SIPA1L3: variants seen among roughly 807,000 people sequenced by gnomAD.
SIPA1L3 encodes the protein signal induced proliferation associated 1 like 3.
Under a neutral mutation model 150.1 loss-of-function variants are expected in SIPA1L3, and 59 were observed. That is an observed-to-expected ratio of 0.39 (90% CI 0.32 to 0.49). The LOEUF (loss-of-function observed/expected upper bound fraction) is 0.49. Ranked by LOEUF, SIPA1L3 falls within the 20% of genes least tolerant of loss-of-function variation. The pLI, the probability that SIPA1L3 is intolerant of heterozygous loss-of-function variation, is 0.86. For missense variants in SIPA1L3, 2,211 were observed against 2,489.5 expected (o/e 0.89, Z 2.38); for synonymous variants, 1,070 against 1,077.6 (o/e 0.99, Z 0.14).
intron 1 of SIPA1L3, among the ~76,000 whole-genome samples, chr19:37,981,070 G>C (rs563019382): frequency 6.6e-6 from 1 of 152,324 alleles, no homozygotes; most frequent in East Asian, 1.9e-4. Flanking sequence ...CTCAAGATGT[G>C]ATAGAGATGG....
At chr19:37,929,193 T>TGGGGCTGGGGCTGGAGCC (rs1479512180) in intron 1 of SIPA1L3, among the ~76,000 whole-genome samples, 3 of 152,090 alleles carry the variant, frequency 2.0e-5, no homozygotes, top group Non-Finnish European at 2.9e-5. Flanking sequence ...GGGCTGGGGC[T>TGGGGCTGGGGCTGGAGCC]GGGGCTGGGG....
At position 38,164,448 on chromosome 19, in the gene SIPA1L3, C is replaced by A; in HGVS notation, c.3781-31C>A. 6.4e-7 allele frequency: 1 copy of A among 1,571,078 alleles called. No individual in the cohort carries two copies. On this transcript the variant is annotated intron_variant, in intron 14 of 21. Coordinates refer to ENST00000222345, the MANE Select transcript of SIPA1L3 (RefSeq NM_015073.3). The surrounding 1 kb of genome is among the most constrained non-coding windows in gnomAD (Gnocchi z 4.1). ...GGAAGATGCGCCCCTGCCCTGGAGT[C>A]TGGGAATGACACGCTTCTCTTGCCT...
intron 9 of SIPA1L3, among the ~76,000 whole-genome samples, chr19:38,127,674 T>G (rs1971207832): frequency 6.6e-6 from 1 of 151,900 alleles, no homozygotes; most frequent in African/African-American, 2.4e-5. Context: ...TTTTATTTTA[T>G]TTTTAGTAGA....
intron 2 of SIPA1L3, among the ~76,000 whole-genome samples, chr19:38,032,934 A>G (rs1366596620): frequency 6.6e-6 from 1 of 152,332 alleles, no homozygotes; most frequent in Non-Finnish European, 1.5e-5. Flanking sequence ...ATAGTGATGA[A>G]TAAAGCAGGG....
At chr19:38,158,517 C>G (rs564175856) in intron 13 of SIPA1L3, among the ~76,000 whole-genome samples, 1 of 152,170 alleles carries the variant, frequency 6.6e-6, no homozygotes, top group South Asian at 2.1e-4. Flanking sequence ...GGACAGGAGC[C>G]GCAGGTCTCA....
chr19:38,078,358 A>C (rs1969894340), intron 2 of SIPA1L3, among the ~76,000 whole-genome samples: 2 of 151,934 alleles, frequency 1.3e-5, no homozygotes, highest in Admixed American at 1.3e-4. Context: ...ATCTGCTTTG[A>C]GCTTCCCTTG....
intron 1 of SIPA1L3, among the ~76,000 whole-genome samples, chr19:37,950,771 C>T (rs1019555189): frequency 6.6e-5 from 10 of 152,358 alleles, no homozygotes; most frequent in Admixed American, 1.3e-4. Flanking sequence ...CCCCGGCATG[C>T]GGCACTTTTC....
intron 21 of SIPA1L3, among the ~76,000 whole-genome samples, chr19:38,204,461 C>CA (rs1427060375): frequency 1.3e-5 from 2 of 152,108 alleles, no homozygotes; most frequent in South Asian, 4.1e-4. Context: ...TAACATTTAT[C>CA]AAAAAAACAC....
intron 9 of SIPA1L3, 71 bp from the exon 10 acceptor site, chr19:38,130,427 C>G (rs1971277883): frequency 2.0e-6 from 3 of 1,509,380 alleles, no homozygotes; most frequent in Admixed American, 1.9e-5. Flanking sequence ...AAGCGGGGAA[C>G]GTGACCAGGG....
intron 1 of SIPA1L3, among the ~76,000 whole-genome samples, chr19:38,015,357 C>T (rs1968207586): frequency 6.6e-6 from 1 of 152,166 alleles, no homozygotes; most frequent in Non-Finnish European, 1.5e-5. Flanking sequence ...CTGTGGGTTA[C>T]CGTATCTTTC....
chr19:38,125,649 T>C (rs1289382514), intron 9 of SIPA1L3, among the ~76,000 whole-genome samples: 1 of 152,182 alleles, frequency 6.6e-6, no homozygotes, highest in South Asian at 2.1e-4. Flanking sequence ...GAATGACTTG[T>C]GACAGTGAGT....
chr19:38,102,749 T>A (rs993847672), intron 6 of SIPA1L3, among the ~76,000 whole-genome samples: 3 of 144,134 alleles, frequency 2.1e-5, no homozygotes, highest in Non-Finnish European at 4.6e-5. Flanking sequence ...GGTGGATTGC[T>A]TGAGCCTGGG....
At chr19:38,107,764 G>A (rs930843854) in intron 7 of SIPA1L3, among the ~76,000 whole-genome samples, 1 of 152,156 alleles carries the variant, frequency 6.6e-6, no homozygotes, top group African/African-American at 2.4e-5. Flanking sequence ...ATCACCTGAG[G>A]TCGGGAGTTT....
chr19:38,111,375 T>TGATA, intron 8 of SIPA1L3, among the ~76,000 whole-genome samples: 1 of 152,162 alleles, frequency 6.6e-6, no homozygotes, highest in Non-Finnish European at 1.5e-5. Flanking sequence ...TTGTTCTTTC[T>TGATA]GATACTTCAT....
intron 2 of SIPA1L3, among the ~76,000 whole-genome samples, chr19:38,030,575 G>C (rs911000543): frequency 7.1e-6 from 1 of 141,122 alleles, no homozygotes; most frequent in Non-Finnish European, 1.5e-5. Flanking sequence ...CACATGTATG[G>C]CATGGGTAAT....
chr19:38,169,523 C>T (rs2145995245), intron 15 of SIPA1L3, among the ~76,000 whole-genome samples: 1 of 152,310 alleles, frequency 6.6e-6, no homozygotes, highest in Non-Finnish European at 1.5e-5. Context: ...TCAGTTTCCT[C>T]ATCTGTGAAA....
intron 1 of SIPA1L3, among the ~76,000 whole-genome samples, chr19:38,007,755 G>A (rs1568499486): frequency 6.6e-6 from 1 of 152,086 alleles, no homozygotes; most frequent in African/African-American, 2.4e-5. Context: ...CTTGGTGTGT[G>A]TGTGCATGTG....
intron 2 of SIPA1L3, among the ~76,000 whole-genome samples, chr19:38,056,878 C>T (rs561450836): frequency 1.3e-3 from 196 of 152,090 alleles, no homozygotes; most frequent in Admixed American, 3.1e-3. Context: ...AGCAACATAG[C>T]CAGACCTCCT....
intron 1 of SIPA1L3, among the ~76,000 whole-genome samples, chr19:37,911,900 C>G (rs576311472): frequency 6.6e-6 from 1 of 151,660 alleles, no homozygotes; most frequent in Non-Finnish European, 1.5e-5. Context: ...GAAACCCCGT[C>G]TCTACTAAAA....
Sources: gnomAD v4.1 joint callset for allele counts (sites outside exome capture counted in the v4.1 genomes callset) on GRCh38, gnomAD v4.1.1 for gene constraint, Gnocchi (gnomAD v3.1) non-coding constraint, MANE v1.5 for transcripts, NCBI Gene and HGNC (gene_info 2026-07-23, HGNC 2026-07-21) for gene names.